The following TENM2 variants were observed in gnomAD, a reference collection of about 807,000 sequenced individuals.
TENM2 encodes the protein teneurin-2.
TENM2 carries 52 observed loss-of-function variants against 245.2 expected under a neutral mutation model. The observed-to-expected ratio is 0.21, with a 90% CI of 0.17 to 0.27. The LOEUF (loss-of-function observed/expected upper bound fraction) is 0.27. TENM2 is among the 10% of genes least tolerant of loss of function. The pLI is 1.00. For synonymous variants in TENM2, 1,363 were observed against 1,438.9 expected (o/e 0.95, Z 1.19); for missense variants, 3,046 against 3,666.8 (o/e 0.83, Z 4.37).
At chr5:168,112,734 A>T (rs1362220385) in intron 9 of TENM2, among the ~76,000 whole-genome samples, 1 of 151,998 alleles carries the variant, frequency 6.6e-6, no homozygotes, top group African/African-American at 2.4e-5. Context: ...CAACCTCAAA[A>T]GCCAGTGGGG....
intron 1 of TENM2, among the ~76,000 whole-genome samples, chr5:167,342,822 C>T (rs1010048459): frequency 1.1e-4 from 16 of 151,398 alleles, no homozygotes; most frequent in Admixed American, 5.3e-4. Context: ...CCACCGCGCC[C>T]GGCCAAAGTT....
chr5:167,154,841 A>T, the TENM2 span, among the ~76,000 whole-genome samples: 10 of 152,234 alleles, frequency 6.6e-5, no homozygotes, highest in Non-Finnish European at 1.3e-4. Context: ...GAAGTACTAC[A>T]TATAAAGTAA....
At chr5:167,287,573 G>A (rs1446765710) in intron 1 of TENM2, 3 of 152,206 alleles carry the variant, frequency 2.0e-5, no homozygotes, top group South Asian at 4.1e-4. Flanking sequence ...CAAAAGTGAT[G>A]GGGGCCCAGA....
At chr5:167,688,534 T>C (rs1757224605) in intron 2 of TENM2, among the ~76,000 whole-genome samples, 1 of 152,214 alleles carries the variant, frequency 6.6e-6, no homozygotes, top group South Asian at 2.1e-4. Context: ...ACAGATTGCA[T>C]GTTGCAAGAC....
At chr5:167,042,642 C>A in the TENM2 span, among the ~76,000 whole-genome samples, 3 of 152,086 alleles carry the variant, frequency 2.0e-5, no homozygotes, top group Non-Finnish European at 4.4e-5. Flanking sequence ...CATTTCCTAG[C>A]CAAATGACTG....
chr5:167,004,870 G>A, the TENM2 span, among the ~76,000 whole-genome samples: 1 of 152,104 alleles, frequency 6.6e-6, no homozygotes, highest in South Asian at 2.1e-4. Flanking sequence ...CCTGTCAGAT[G>A]AACTTTAAAG....
chr5:167,009,210 C>T, the TENM2 span, among the ~76,000 whole-genome samples: 20 of 152,202 alleles, frequency 1.3e-4, no homozygotes, highest in Admixed American at 9.2e-4. Flanking sequence ...TGCATGTTTG[C>T]GTGACATACA....
intron 7 of TENM2, among the ~76,000 whole-genome samples, chr5:168,068,709 TC>T (rs1279700945): frequency 5.3e-5 from 8 of 151,974 alleles, no homozygotes; most frequent in Non-Finnish European, 1.2e-4. Context: ...GAAAGGCAAG[TC>T]CCCCATCCCC....
the TENM2 span, among the ~76,000 whole-genome samples, chr5:167,161,178 C>T: frequency 1.3e-5 from 2 of 152,170 alleles, no homozygotes; most frequent in Non-Finnish European, 2.9e-5. Context: ...TTGTGACTCT[C>T]CAAAAAACTA....
chr5:168,033,665 G>T (rs1001106374), intron 5 of TENM2, among the ~76,000 whole-genome samples: 2 of 152,006 alleles, frequency 1.3e-5, no homozygotes, highest in Non-Finnish European at 2.9e-5. Flanking sequence ...TAGCTGTGGG[G>T]ACAAATTTGA....
intron 12 of TENM2, among the ~76,000 whole-genome samples, chr5:168,149,802 TA>T (rs1342466716): frequency 6.6e-6 from 1 of 152,260 alleles, no homozygotes; most frequent in Non-Finnish European, 1.5e-5. Flanking sequence ...TATGAGGTCC[TA>T]CCCCTCACTC....
chr5:167,611,657 A>G (rs557218956), intron 2 of TENM2, among the ~76,000 whole-genome samples: 3 of 152,304 alleles, frequency 2.0e-5, no homozygotes, highest in Non-Finnish European at 4.4e-5. Context: ...TAGTTTATAA[A>G]CAACAGATGT....
intron 2 of TENM2, among the ~76,000 whole-genome samples, chr5:167,715,971 G>A (rs1281384434): frequency 6.6e-6 from 1 of 152,172 alleles, no homozygotes; most frequent in Non-Finnish European, 1.5e-5. Flanking sequence ...CCAGCAATTA[G>A]GCACACTTTA....
At chr5:167,126,526 TCTTTC>T in the TENM2 span, among the ~76,000 whole-genome samples, 1 of 152,196 alleles carries the variant, frequency 6.6e-6, no homozygotes, top group Admixed American at 6.5e-5. Context: ...CCGATTCTAA[TCTTTC>T]CTTGTTTATT....
chr5:167,993,075 A>T, exon 5 of TENM2: 1 of 1,614,022 alleles, frequency 6.2e-7, no homozygotes, highest in Non-Finnish European at 8.5e-7. Flanking sequence ...TTCTCCAGGA[A>T]GGCTTTCAAG....
the TENM2 span, among the ~76,000 whole-genome samples, chr5:167,258,181 T>C: frequency 1.9e-4 from 28 of 144,866 alleles, no homozygotes; most frequent in Non-Finnish European, 3.1e-4. Flanking sequence ...TTTTTCATTG[T>C]CTGTAAAATG....
At chr5:167,365,556 TGAAA>T (rs934259490) in intron 1 of TENM2, among the ~76,000 whole-genome samples, 3 of 151,450 alleles carry the variant, frequency 2.0e-5, no homozygotes, top group Admixed American at 2.0e-4. Flanking sequence ...ATATCAAAAA[TGAAA>T]GAAAGAATAC....
chr5:167,558,448 A>G (rs952703251), intron 2 of TENM2, among the ~76,000 whole-genome samples: 2 of 152,230 alleles, frequency 1.3e-5, no homozygotes, highest in Non-Finnish European at 2.9e-5. Context: ...CCGGCCACAG[A>G]CCAGTAGTGT....
At chr5:167,326,565 C>A (rs1201612634) in intron 1 of TENM2, among the ~76,000 whole-genome samples, 1 of 151,534 alleles carries the variant, frequency 6.6e-6, no homozygotes, top group African/African-American at 2.4e-5. Flanking sequence ...CCCAGCTACT[C>A]GGGAGGCTGA....
Sources: allele counts gnomAD v4.1 joint callset (sites outside exome capture counted in the v4.1 genomes callset), GRCh38; gene constraint gnomAD v4.1.1; transcripts MANE v1.5; gene names NCBI Gene and HGNC (gene_info 2026-07-23, HGNC 2026-07-21).